URI1: variants seen among roughly 807,000 people sequenced by gnomAD.
The protein encoded by URI1 is URI1 prefoldin like chaperone.
URI1 carries 39 observed loss-of-function variants against 60.2 expected under a neutral mutation model. That is an observed-to-expected ratio of 0.65 (90% CI 0.50 to 0.85). URI1 has a LOEUF of 0.85. URI1 is among the 40% of genes least tolerant of loss of function. URI1 has a pLI of 0.00. For missense variants in URI1, 691 were observed against 665.9 expected (o/e 1.04, Z -0.42); for synonymous variants, 251 against 236.8 (o/e 1.06, Z -0.55).
intron 1 of URI1, among the ~76,000 whole-genome samples, chr19:29,956,180 C>T (rs2055244482): frequency 6.6e-6 from 1 of 150,388 alleles, no homozygotes; most frequent in African/African-American, 2.5e-5. Flanking sequence ...AGATGAGCGC[C>T]ATGTTGGTCA....
chr19:30,003,089 A>G (rs2055897829), intron 4 of URI1, among the ~76,000 whole-genome samples: 1 of 152,090 alleles, frequency 6.6e-6, no homozygotes, highest in African/African-American at 2.4e-5. Flanking sequence ...AGTTATAGAA[A>G]GAAATGGAAT....
chr19:29,983,333 G>C (rs2055621551), intron 2 of URI1: 1 of 152,078 alleles, frequency 6.6e-6, no homozygotes, highest in African/African-American at 2.4e-5. Context: ...GAAAAATACT[G>C]ATAAGTGACA....
chr19:30,009,354 G>A lies in URI1; in HGVS notation c.1035+1G>A, dbSNP rs1234652186. 1 of 1,605,184 alleles carries A rather than the reference G, an allele frequency of 6.2e-7. No individual in the cohort carries two copies. The highest frequency in any genetic ancestry group is 1.1e-5 in the South Asian group (1 of 90,354). The stretch of plus-strand genomic sequence containing the variant: ...TTCACATACTGTTGAGCCTAAGAGG[G>A]TTTGTATACTTTTAACTTTACTAAT... On this transcript the variant is annotated splice_donor_variant, in intron 8 of 10. Coordinates refer to ENST00000392271, the MANE Select transcript of URI1 (RefSeq NM_003796.3). LOFTEE classifies it high-confidence loss of function.
intron 1 of URI1, among the ~76,000 whole-genome samples, chr19:29,970,904 GTTATC>G (rs1192375599): frequency 1.3e-5 from 2 of 151,994 alleles, no homozygotes; most frequent in East Asian, 3.8e-4. Flanking sequence ...CAAAATACTA[GTTATC>G]TTATATCATA....
Position 30,015,588 on chromosome 19 carries a change from T to C in URI1, c.*519T>C, listed in dbSNP as rs1467782017. 7 of 1,531,914 alleles carry C rather than the reference T, an allele frequency of 4.6e-6. No homozygotes were observed. The Admixed American group carries it at 1.2e-4, about 26-fold the overall frequency. 94.9% of individuals were successfully genotyped at this position (1,531,914 alleles called of 1,614,324 possible). On this transcript the variant is annotated 3_prime_UTR_variant, in exon 11 of 11. Transcript: ENST00000392271. ...AACCTCGCCCCTCTGAATGTCATAC[T>C]GTAATCTTTAAGGAAGAAAGCTACA...
intron 8 of URI1, among the ~76,000 whole-genome samples, chr19:30,010,111 GAA>G (rs1416704324): frequency 1.3e-5 from 2 of 152,144 alleles, no homozygotes; most frequent in African/African-American, 4.8e-5. Context: ...CTTTCTCAGG[GAA>G]ATTTAAGGCC....
At chr19:29,993,032 C>T (rs148052458) in intron 4 of URI1, among the ~76,000 whole-genome samples, 14 of 152,166 alleles carry the variant, frequency 9.2e-5, no homozygotes, top group African/African-American at 2.4e-4. Flanking sequence ...ATTATTTTAC[C>T]GTGTGTCTTT....
At chr19:29,966,314 T>C (rs545737968) in intron 1 of URI1, among the ~76,000 whole-genome samples, 1 of 152,230 alleles carries the variant, frequency 6.6e-6, no homozygotes, top group Non-Finnish European at 1.5e-5. Context: ...AATTTTTGTA[T>C]TTTTGGTAGA....
chr19:29,987,890 G>C (rs150394702), intron 4 of URI1, among the ~76,000 whole-genome samples: 1 of 151,988 alleles, frequency 6.6e-6, no homozygotes, highest in Admixed American at 6.6e-5. Flanking sequence ...ATTCTGGGCC[G>C]GGCGCAGGGG....
rs944872365 is a variant in URI1, at chr19:29,997,581, T to A, written c.368-7780T>A. Reference sequence around the variant, plus strand: ...TTTGTTATTCCTTTCTTCTGTTAGCTTTGGGTTCAGTTTACTCTTTCTTTT... The same window carrying A: ...TTTGTTATTCCTTTCTTCTGTTAGCATTGGGTTCAGTTTACTCTTTCTTTT... On this transcript the variant is annotated intron_variant, in intron 4 of 10. Coordinates refer to ENST00000392271, the MANE Select transcript of URI1 (RefSeq NM_003796.3). Among the ~76,000 whole-genome samples the A allele has an allele frequency of 2.0e-5, 3 of 152,092 alleles. No homozygotes were observed. The South Asian group carries it at 6.3e-4, about 32-fold the overall frequency.
chr19:29,961,796 C>T lies in URI1; in HGVS notation c.118-9397C>T, dbSNP rs557493809. 1.0e-3 allele frequency among the ~76,000 whole-genome samples: 153 copies of T among 151,762 alleles called. 2 individuals carry two copies. Among genetic ancestry groups the T allele is most frequent in the African/African-American group, 3.7e-3 (151 of 41,368 alleles). ...TATCTCCTGGGTTCAAGTGATTCTC[C>T]TGCCTCAGCCTCCCAAGTAGCTGAG... On this transcript the variant is annotated intron_variant, in intron 1 of 10. Coordinates refer to ENST00000392271, the MANE Select transcript of URI1 (RefSeq NM_003796.3).
rs765573350 is a variant in URI1 at position 30,014,967 on chromosome 19, A to G, written c.1506A>G (p.Leu502=). 8 of 1,613,842 alleles carry G rather than the reference A, an allele frequency of 5.0e-6. No individual in the cohort carries two copies. Among genetic ancestry groups the G allele is most frequent in the Non-Finnish European group, 6.8e-6 (8 of 1,179,812 alleles). ...TPPPAIAHPA[L]PTIPERKEVL... is the part of the protein sequence containing the mutation. ...CCCCAGCCATTGCTCATCCCGCACT[A>G]CCCACTATTCCAGAACGAAAGGAAG... Residue 502 remains leucine (L), a synonymous_variant, in exon 11 of 11, where the codon CTA becomes CTG. Transcript: ENST00000392271.
chr19:29,928,267 C>G (rs75909287), intron 1 of URI1, among the ~76,000 whole-genome samples: 1 of 151,982 alleles, frequency 6.6e-6, no homozygotes, highest in Admixed American at 6.6e-5. Context: ...TAGGCTGTTT[C>G]GAGGAATCAC....
chr19:29,963,901 C>T (rs2055357088), intron 1 of URI1, among the ~76,000 whole-genome samples: 1 of 152,190 alleles, frequency 6.6e-6, no homozygotes, highest in Non-Finnish European at 1.5e-5. Flanking sequence ...GGCTTCTGAA[C>T]TAATTTTTGT....
intron 4 of URI1, among the ~76,000 whole-genome samples, chr19:29,995,042 A>G (rs922845928): frequency 2.0e-5 from 3 of 152,070 alleles, no homozygotes; most frequent in Admixed American, 6.6e-5. Context: ...TCAGTCTCCC[A>G]AAGTGCTGGG....
chr19:29,989,882 G>A (rs541531587), intron 4 of URI1, among the ~76,000 whole-genome samples: 1 of 151,880 alleles, frequency 6.6e-6, no homozygotes, highest in South Asian at 2.1e-4. Flanking sequence ...TCCAGAGCAA[G>A]TTTTTAATTA....
intron 4 of URI1, among the ~76,000 whole-genome samples, chr19:30,002,244 T>C (rs1035666117): frequency 5.3e-5 from 8 of 152,092 alleles, no homozygotes; most frequent in Non-Finnish European, 7.4e-5. Context: ...TTCAAATATA[T>C]ACAATTCTAC....
At chr19:29,946,529 A>G (rs1568409491) in intron 1 of URI1, among the ~76,000 whole-genome samples, 1 of 152,230 alleles carries the variant, frequency 6.6e-6, no homozygotes, top group Non-Finnish European at 1.5e-5. Flanking sequence ...TTAGGATAAT[A>G]TATTTATAAT....
At chr19:29,999,638 T>C (rs1161185316) in intron 4 of URI1, among the ~76,000 whole-genome samples, 2 of 152,132 alleles carry the variant, frequency 1.3e-5, no homozygotes, top group African/African-American at 2.4e-5. Flanking sequence ...TTGATTATAG[T>C]GTGTCTTGGT....
Sources: gnomAD v4.1 joint callset for allele counts (sites outside exome capture counted in the v4.1 genomes callset) on GRCh38, gnomAD v4.1.1 for gene constraint, MANE v1.5 for transcripts, NCBI Gene and HGNC (gene_info 2026-07-23, HGNC 2026-07-21) for gene names.